The following FIGN variants were observed in gnomAD, a reference collection of about 807,000 sequenced individuals.
FIGN encodes the protein fidgetin, microtubule severing factor.
Under a neutral mutation model 51.3 loss-of-function variants are expected in FIGN, and 11 were observed. The ratio of observed to expected loss-of-function variants is 0.21; its 90% CI spans 0.13 to 0.35. The LOEUF (loss-of-function observed/expected upper bound fraction) is 0.35, where lower values mean the gene tolerates loss of function less well. Ranked by LOEUF, FIGN falls within the 10% of genes least tolerant of loss-of-function variation. The probability of loss-of-function intolerance (pLI) is 1.00; values close to 1 mark genes in which losing one functional copy is unlikely to be tolerated. For missense variants in FIGN, 857 were observed against 943.6 expected (o/e 0.91, Z 1.20); for synonymous variants, 407 against 363.2 (o/e 1.12, Z -1.37).
chr2:163,616,916 T>C (rs745456989), intron 2 of FIGN, among the ~76,000 whole-genome samples: 2 of 152,132 alleles, frequency 1.3e-5, no homozygotes, highest in Non-Finnish European at 2.9e-5. Flanking sequence ...TACAGGTCTA[T>C]GCAGTGAAGA....
intron 1 of FIGN, among the ~76,000 whole-genome samples, chr2:163,735,356 A>G (rs1397673000): frequency 6.6e-6 from 1 of 151,960 alleles, no homozygotes. Flanking sequence ...TCTGCAACCG[A>G]TCTTCTGACA....
intron 2 of FIGN, among the ~76,000 whole-genome samples, chr2:163,731,613 A>G (rs1684930627): frequency 6.6e-6 from 1 of 152,048 alleles, no homozygotes; most frequent in Admixed American, 6.6e-5. Flanking sequence ...AATATAACTA[A>G]AGAATAAAAC....
At chr2:163,710,382 AT>A (rs1684568769) in intron 2 of FIGN, among the ~76,000 whole-genome samples, 1 of 152,326 alleles carries the variant, frequency 6.6e-6, no homozygotes, top group African/African-American at 2.4e-5. Context: ...TCCTTGGTTC[AT>A]TTTGCTTTTT....
chr2:163,632,690 T>C lies in FIGN; in HGVS notation c.26-20884A>G, dbSNP rs1026486644. 3.3e-5 allele frequency among the ~76,000 whole-genome samples: 5 copies of C among 152,224 alleles called. No individual in the cohort carries two copies. In the East Asian group the frequency reaches 5.8e-4, roughly 18 times the overall value. On this transcript the variant is annotated intron_variant, in intron 2 of 2. Transcript: ENST00000333129. The stretch of plus-strand genomic sequence containing the variant: ...AAGAAAAGCCACAAGCACACTATGT[T>C]ACTTTCTAGGAACTATGCCAGAAGG...
Position 163,607,580 on chromosome 2 carries a change from T to G in FIGN, c.*1972A>C, listed in dbSNP as rs1691136206. On this transcript the variant is annotated 3_prime_UTR_variant, in exon 3 of 3. Coordinates refer to ENST00000333129, the MANE Select transcript of FIGN (RefSeq NM_018086.4). ...TATTGTGGATAAGATCGGTAAAAAT[T>G]TTTGTAAGAAAAAAAAAACAGAAAG... 2 of 152,438 alleles carry G rather than the reference T, an allele frequency of 1.3e-5. No homozygotes were observed. Among genetic ancestry groups the G allele is most frequent in the Admixed American group, 1.3e-4 (2 of 15,252 alleles). 9.4% of individuals were successfully genotyped at this position (152,438 alleles called of 1,614,324 possible).
chr2:163,657,911 C>T (rs1452035595), intron 2 of FIGN, among the ~76,000 whole-genome samples: 1 of 152,056 alleles, frequency 6.6e-6, no homozygotes, highest in Non-Finnish European at 1.5e-5. Flanking sequence ...AGCTCACTTT[C>T]CCAGGTTTAA....
intron 2 of FIGN, among the ~76,000 whole-genome samples, chr2:163,656,973 G>A (rs1180449335): frequency 1.3e-5 from 2 of 152,006 alleles, no homozygotes; most frequent in African/African-American, 4.8e-5. Context: ...AATGTATATG[G>A]AAAACAGATA....
At chr2:163,652,361 A>AAC (rs60276598) in intron 2 of FIGN, among the ~76,000 whole-genome samples, 2,309 of 139,356 alleles carry the variant, frequency 0.017, 27 homozygotes, top group African/African-American at 0.033. Context: ...CACACACACA[A>AAC]ACACACACAC....
At chr2:163,611,918 A>G (rs1037131719) in intron 2 of FIGN, 112 bp from the exon 3 acceptor site, 1 of 482,554 alleles carries the variant, frequency 2.1e-6, no homozygotes, top group Non-Finnish European at 3.2e-6. Context: ...TGATATGCAT[A>G]CTTTAAAAGA....
chr2:163,683,723 C>T (rs114218123), intron 2 of FIGN, among the ~76,000 whole-genome samples: 4 of 152,122 alleles, frequency 2.6e-5, no homozygotes, highest in African/African-American at 4.8e-5. Context: ...AGGGGTGCAG[C>T]CTGGGCAGTG....
intron 2 of FIGN, among the ~76,000 whole-genome samples, chr2:163,676,484 AC>A (rs1683973385): frequency 1.4e-3 from 77 of 55,562 alleles, no homozygotes; most frequent in South Asian, 2.6e-3. Flanking sequence ...TATATATATA[AC>A]TAGAGTCTGT....
chr2:163,709,763 G>A (rs1684558936), intron 2 of FIGN, among the ~76,000 whole-genome samples: 1 of 151,968 alleles, frequency 6.6e-6, no homozygotes, highest in South Asian at 2.1e-4. Context: ...TGAAAGTTGG[G>A]TTTTCTTTTC....
At chr2:163,680,183 T>A (rs1176057041) in intron 2 of FIGN, among the ~76,000 whole-genome samples, 1 of 152,214 alleles carries the variant, frequency 6.6e-6, no homozygotes, top group Non-Finnish European at 1.5e-5. Flanking sequence ...ACAAAGACAG[T>A]ATTGGGTGTA....
At chr2:163,639,814 G>A (rs547568961) in intron 2 of FIGN, among the ~76,000 whole-genome samples, 75 of 152,210 alleles carry the variant, frequency 4.9e-4, no homozygotes, top group African/African-American at 1.8e-3. Flanking sequence ...AAATTCATTA[G>A]ATATTCCTTT....
At chr2:163,661,451 C>A (rs1416986277) in intron 2 of FIGN, among the ~76,000 whole-genome samples, 4 of 151,776 alleles carry the variant, frequency 2.6e-5, no homozygotes, top group Non-Finnish European at 5.9e-5. Context: ...GGCTGGAGTA[C>A]AATGGTGTGA....
intron 2 of FIGN, among the ~76,000 whole-genome samples, chr2:163,654,920 C>T (rs1306301347): frequency 6.6e-5 from 10 of 151,996 alleles, no homozygotes; most frequent in South Asian, 4.2e-4. Context: ...AAAGGAGGAG[C>T]GTACCAGTAG....
intron 2 of FIGN, among the ~76,000 whole-genome samples, chr2:163,728,966 G>A (rs1411174585): frequency 6.6e-6 from 1 of 152,126 alleles, no homozygotes. Flanking sequence ...AAAAAGTTTA[G>A]AACGACATAC....
intron 2 of FIGN, among the ~76,000 whole-genome samples, chr2:163,637,485 C>T (rs953359137): frequency 9.9e-5 from 15 of 152,280 alleles, no homozygotes; most frequent in African/African-American, 3.6e-4. Flanking sequence ...AATGGCAACT[C>T]ATGTCTTCTT....
At chr2:163,703,703 C>A (rs1011480806) in intron 2 of FIGN, among the ~76,000 whole-genome samples, 2 of 152,042 alleles carry the variant, frequency 1.3e-5, no homozygotes, top group Non-Finnish European at 2.9e-5. Context: ...GCTCAAATGA[C>A]CCTCATTGCT....
Sources: allele counts gnomAD v4.1 joint callset (sites outside exome capture counted in the v4.1 genomes callset), GRCh38; gene constraint gnomAD v4.1.1; transcripts MANE v1.5; gene names NCBI Gene and HGNC (gene_info 2026-07-23, HGNC 2026-07-21).